ABCA10: variants seen among roughly 807,000 people sequenced by gnomAD.
ABCA10 encodes the protein ATP binding cassette subfamily A member 10, also known as ATP-binding cassette sub-family A member 10.
Under a neutral mutation model 187.5 loss-of-function variants are expected in ABCA10, and 169 were observed. The ratio of observed to expected loss-of-function variants is 0.90; its 90% CI spans 0.80 to 1.02. ABCA10 has a LOEUF of 1.02. Among genes scored for constraint, ABCA10 ranks in the 50% least tolerant of loss-of-function variants. ABCA10 has a pLI of 0.00. For missense variants in ABCA10, 1,727 were observed against 1,812.4 expected, an observed-to-expected ratio of 0.95 and a Z score of 0.86; for synonymous variants, 574 against 601.8, an observed-to-expected ratio of 0.95 and a Z score of 0.68.
At chr17:69,225,612 A>C (rs2074787808) in intron 2 of ABCA10, 83 bp from the exon 3 acceptor site, 1 of 402,700 alleles carries the variant, frequency 2.5e-6, no homozygotes, top group African/African-American at 2.1e-5. Context: ...TTTAAGGCAG[A>C]ATGTATTGCC....
chr17:69,186,939 T>A (rs1025652224), intron 19 of ABCA10, among the ~76,000 whole-genome samples: 3 of 152,174 alleles, frequency 2.0e-5, no homozygotes, highest in Non-Finnish European at 2.9e-5. Flanking sequence ...CAATGCCTAG[T>A]ATACTATAAC....
intron 18 of ABCA10, among the ~76,000 whole-genome samples, chr17:69,188,105 C>A (rs2074435809): frequency 6.6e-6 from 1 of 152,160 alleles, no homozygotes. Flanking sequence ...GGCTTCCTAA[C>A]AAGCATTTAT....
intron 30 of ABCA10, among the ~76,000 whole-genome samples, chr17:69,154,583 C>T (rs984338667): frequency 1.3e-5 from 2 of 151,954 alleles, no homozygotes; most frequent in East Asian, 1.9e-4. Context: ...CACCACCACA[C>T]CCAGCTAATT....
intron 19 of ABCA10, 46 bp from the exon 20 acceptor site, chr17:69,185,689 T>C: frequency 6.8e-7 from 1 of 1,471,622 alleles, no homozygotes; most frequent in Non-Finnish European, 9.3e-7. Flanking sequence ...AATTTTCCTC[T>C]GGTTATTTAA....
intron 11 of ABCA10, among the ~76,000 whole-genome samples, chr17:69,195,182 G>T (rs551222712): frequency 2.7e-4 from 41 of 152,234 alleles, no homozygotes; most frequent in African/African-American, 8.9e-4. Flanking sequence ...ATTCTCTGAA[G>T]ACAGAAAACA....
At chr17:69,174,994 A>T (rs191250857) in intron 23 of ABCA10, among the ~76,000 whole-genome samples, 1 of 152,294 alleles carries the variant, frequency 6.6e-6, no homozygotes, top group Admixed American at 6.5e-5. Flanking sequence ...TTACCCATTG[A>T]TACAGATTAA....
chr17:69,163,051 G>A, intron 27 of ABCA10, among the ~76,000 whole-genome samples: 1 of 152,084 alleles, frequency 6.6e-6, no homozygotes, highest in Non-Finnish European at 1.5e-5. Context: ...TGCCCAGGCT[G>A]GTCTTGAATT....
At chr17:69,173,552 C>T (rs1407757790) in intron 25 of ABCA10, among the ~76,000 whole-genome samples, 2 of 152,074 alleles carry the variant, frequency 1.3e-5, no homozygotes, top group Non-Finnish European at 2.9e-5. Context: ...TCTTTCTCAC[C>T]GCTGATCCCC....
chr17:69,230,477 G>A (rs1176081530), upstream of ABCA10, among the ~76,000 whole-genome samples: 7 of 151,496 alleles, frequency 4.6e-5, no homozygotes, highest in Admixed American at 4.6e-4. Context: ...AATAGGATTT[G>A]GACCCTTTTC....
In ABCA10 at chr17:69,193,824, A is replaced by T; in HGVS notation, c.1511T>A (p.Val504Glu). ...AKIKGIQPKEVEQEVKRIIME... is the reference protein window; with the variant it reads ...AKIKGIQPKEEEQEVKRIIME... Reference sequence around the variant, plus strand: ...AATGTGTTCCTGTACCTCTTGTTCCACTTCCTTTGGCTGAATCCCTTTTAT... The same window carrying T: ...AATGTGTTCCTGTACCTCTTGTTCCTCTTCCTTTGGCTGAATCCCTTTTAT... Residue 504 changes from valine (V) to glutamate (E), a missense_variant, in exon 13 of 39, where the codon GTG becomes GAG. Coordinates refer to ENST00000690296, the MANE Select transcript of ABCA10 (RefSeq NM_001377321.1). 1 of 1,613,282 alleles carries T rather than the reference A, an allele frequency of 6.2e-7. No individual in the cohort carries two copies. Among genetic ancestry groups the T allele is most frequent in the Non-Finnish European group, 8.5e-7 (1 of 1,179,692 alleles).
chr17:69,168,439 A>T (rs1463005225), intron 25 of ABCA10, among the ~76,000 whole-genome samples: 1 of 152,178 alleles, frequency 6.6e-6, no homozygotes, highest in Non-Finnish European at 1.5e-5. Context: ...AGTATCTGGC[A>T]CATAGGAAGA....
chr17:69,206,590 G>A (rs927817859), intron 9 of ABCA10, among the ~76,000 whole-genome samples: 2 of 152,218 alleles, frequency 1.3e-5, no homozygotes, highest in Admixed American at 1.3e-4. Flanking sequence ...TTGAGGAAAT[G>A]AGAGATTGTT....
At chr17:69,200,940 T>G (rs1016661430) in intron 10 of ABCA10, among the ~76,000 whole-genome samples, 9 of 152,206 alleles carry the variant, frequency 5.9e-5, no homozygotes, top group Non-Finnish European at 7.3e-5. Context: ...CTCAAACTCC[T>G]GAGCTCAAGT....
chr17:69,238,780 C>T (rs541269596), intron 1 of ABCA10, among the ~76,000 whole-genome samples: 2 of 152,244 alleles, frequency 1.3e-5, no homozygotes, highest in African/African-American at 4.8e-5. Context: ...ACTTCTCTTT[C>T]AATTGGTTGT....
chr17:69,242,542 G>T (rs889478173), intron 1 of ABCA10, among the ~76,000 whole-genome samples: 3 of 152,124 alleles, frequency 2.0e-5, no homozygotes, highest in Non-Finnish European at 2.9e-5. Flanking sequence ...TTGGCTCACT[G>T]CAACCTCTGC....
chr17:69,215,770 T>C (rs754498185), intron 8 of ABCA10, 45 bp downstream of exon 8: 5 of 1,396,898 alleles, frequency 3.6e-6, no homozygotes, highest in Non-Finnish European at 4.7e-6. Context: ...TAAGAACATA[T>C]TTTGAAAATC....
In ABCA10 at chr17:69,219,517, T is replaced by A. The variant is rs202060650; in HGVS notation, c.530+28A>T. ...AGTTTCTCTAATAATTAATGTATGA[T>A]ATACAGTAAAGTAGCAACTTAACTT... On this transcript the variant is annotated intron_variant, in intron 6 of 38. Transcript: ENST00000690296. The A allele has an allele frequency of 3.5e-5, 51 of 1,449,218 alleles. No individual in the cohort carries two copies. The Admixed American group carries it at 4.4e-4, about 13-fold the overall frequency. The allele number at this position is 1,449,218 out of a possible 1,614,324, so 89.8% of individuals were successfully genotyped here.
intron 22 of ABCA10, among the ~76,000 whole-genome samples, chr17:69,179,491 A>G (rs1032196686): frequency 4.6e-5 from 7 of 152,204 alleles, no homozygotes; most frequent in African/African-American, 1.7e-4. Flanking sequence ...AATGTGTGTC[A>G]TACTGCATCT....
At chr17:69,212,978 GC>G (rs2074671910) in intron 9 of ABCA10, among the ~76,000 whole-genome samples, 1 of 152,218 alleles carries the variant, frequency 6.6e-6, no homozygotes, top group African/African-American at 2.4e-5. Context: ...GAGGTACTAT[GC>G]TATTCATCAT....
Sources: allele counts gnomAD v4.1 joint callset (sites outside exome capture counted in the v4.1 genomes callset), GRCh38; gene constraint gnomAD v4.1.1; transcripts MANE v1.5; gene names NCBI Gene and HGNC (gene_info 2026-07-23, HGNC 2026-07-21).